The following LRIF1 variants were observed in gnomAD, a reference collection of about 807,000 sequenced individuals.
LRIF1 encodes ligand-dependent nuclear receptor-interacting factor 1.
A neutral mutation model predicts 52.7 loss-of-function variants in LRIF1; 32 were observed. That is an observed-to-expected ratio of 0.61 (90% CI 0.46 to 0.82). LRIF1 has a LOEUF of 0.82. Ranked by LOEUF, LRIF1 falls within the 40% of genes least tolerant of loss-of-function variation. The pLI is 0.00. For synonymous variants in LRIF1, 323 were observed against 317.4 expected (o/e 1.02, Z -0.19); for missense variants, 887 against 892.0 (o/e 0.99, Z 0.07).
At chr1:110,897,719 C>A in the LRIF1 span, 1 of 740,970 alleles carries the variant, frequency 1.3e-6, no homozygotes, top group Non-Finnish European at 2.3e-6. Flanking sequence ...TTACATAAAG[C>A]AAAATGCAAA....
chr1:110,962,129 A>G (rs1400473608), intron 1 of LRIF1, among the ~76,000 whole-genome samples: 1 of 151,708 alleles, frequency 6.6e-6, no homozygotes, highest in Non-Finnish European at 1.5e-5. Context: ...TTTTGTATTT[A>G]AAAATGCAAT....
Position 110,950,124 on chromosome 1 carries a change from C to G in LRIF1, c.1597-1G>C. The G allele has an allele frequency of 6.2e-7, 1 of 1,602,792 alleles. No individual in the cohort carries two copies. Among genetic ancestry groups the G allele is most frequent in the East Asian group, 2.2e-5 (1 of 44,654 alleles). On this transcript the variant is annotated splice_acceptor_variant, in intron 2 of 3. Coordinates refer to ENST00000369763, the MANE Select transcript of LRIF1 (RefSeq NM_018372.4). LOFTEE classifies it high-confidence loss of function. ...ATGTTGATGCCATCTCATTATGGAT[C>G]TGGAATTAGGAAAAGAAAACACACA...
the LRIF1 span, among the ~76,000 whole-genome samples, chr1:110,915,494 T>A: frequency 6.6e-6 from 1 of 151,202 alleles, no homozygotes. Flanking sequence ...TCTCAAAAAA[T>A]AAATAAATAA....
At chr1:110,896,748 A>G in the LRIF1 span, 13 of 1,608,688 alleles carry the variant, frequency 8.1e-6, no homozygotes, top group African/African-American at 1.3e-5. Context: ...TTTTGTCGGC[A>G]ATGTTTCTGT....
the LRIF1 span, among the ~76,000 whole-genome samples, chr1:110,923,321 C>T: frequency 2.8e-4 from 43 of 152,094 alleles, no homozygotes; most frequent in East Asian, 8.1e-3. Context: ...CAACAAAACT[C>T]TAACTTACCA....
the LRIF1 span, chr1:110,941,746 G>A: frequency 1.3e-5 from 2 of 152,012 alleles, no homozygotes; most frequent in African/African-American, 4.8e-5. Flanking sequence ...TATGTGAAGG[G>A]TATGTGAGAC....
downstream of LRIF1, among the ~76,000 whole-genome samples, chr1:110,946,403 G>C (rs1658205457): frequency 6.6e-6 from 1 of 152,126 alleles, no homozygotes; most frequent in African/African-American, 2.4e-5. Flanking sequence ...TTTTGAAAAT[G>C]TTCTAAAATT....
the LRIF1 span, among the ~76,000 whole-genome samples, chr1:110,935,746 G>C: frequency 6.6e-6 from 1 of 152,120 alleles, no homozygotes; most frequent in Non-Finnish European, 1.5e-5. Flanking sequence ...TGGCCTTAAA[G>C]AGGAGGTAGA....
Position 110,948,194 on chromosome 1 carries a change from CTCTTT to C in LRIF1, c.2070_2074del (p.Lys691AsnfsTer2), listed in dbSNP as rs1355533351. ...ATGGGTATAGTATTCCATCTCAGTT[CTCTTT>C]TCTTGTCTGGTTTTGCTGTGACTCG... is the stretch of plus-strand genomic sequence containing the variant. On this transcript the variant is annotated frameshift_variant, in exon 4 of 4. Coordinates refer to ENST00000369763, the MANE Select transcript of LRIF1 (RefSeq NM_018372.4). LOFTEE classifies it high-confidence loss of function. The C allele has an allele frequency of 6.2e-7, 1 of 1,613,908 alleles. No homozygotes were observed. The highest frequency in any genetic ancestry group is 2.2e-5 in the East Asian group (1 of 44,876).
the LRIF1 span, among the ~76,000 whole-genome samples, chr1:110,920,133 T>C: frequency 6.6e-6 from 1 of 152,296 alleles, no homozygotes; most frequent in Admixed American, 6.5e-5. Context: ...CTTTGGAATA[T>C]AGTCTTGCAA....
At chr1:110,896,576 C>A in the LRIF1 span, 17 of 1,361,312 alleles carry the variant, frequency 1.2e-5, no homozygotes, top group East Asian at 4.6e-5. Context: ...GAAGGGCACA[C>A]CTTTTCCTCT....
chr1:110,955,970 T>C (rs1287405463), intron 1 of LRIF1, among the ~76,000 whole-genome samples: 1 of 152,178 alleles, frequency 6.6e-6, no homozygotes, highest in South Asian at 2.1e-4. Context: ...TGGAGACCTA[T>C]CTCCTTCCAT....
At chr1:110,905,412 C>A in the LRIF1 span, among the ~76,000 whole-genome samples, 1 of 151,424 alleles carries the variant, frequency 6.6e-6, no homozygotes, top group African/African-American at 2.4e-5. Context: ...AAATAACATA[C>A]AATGGAGCTC....
At chr1:110,921,241 G>A in the LRIF1 span, among the ~76,000 whole-genome samples, 9 of 128,656 alleles carry the variant, frequency 7.0e-5, no homozygotes, top group African/African-American at 1.8e-4. Flanking sequence ...AAGTGTTCAT[G>A]TTTTCAATGC....
At chr1:110,910,877 G>GTTAA in the LRIF1 span, among the ~76,000 whole-genome samples, 3 of 152,148 alleles carry the variant, frequency 2.0e-5, no homozygotes, top group Admixed American at 2.0e-4. Flanking sequence ...ATTTTATAGT[G>GTTAA]TTAAATATCT....
At chr1:110,950,885 T>C (rs997790166) in intron 2 of LRIF1, among the ~76,000 whole-genome samples, 1 of 152,084 alleles carries the variant, frequency 6.6e-6, no homozygotes, top group Non-Finnish European at 1.5e-5. Flanking sequence ...TTTACATGCA[T>C]ATTGATCTCC....
the LRIF1 span, among the ~76,000 whole-genome samples, chr1:110,882,259 C>T: frequency 1.2e-3 from 177 of 152,214 alleles, 1 homozygote; most frequent in East Asian, 0.022. Context: ...TCACTAGTTA[C>T]GATTTCGTAT....
chr1:110,943,053 G>A (rs1244293190), downstream of LRIF1, among the ~76,000 whole-genome samples: 2 of 152,126 alleles, frequency 1.3e-5, no homozygotes, highest in African/African-American at 4.8e-5. Flanking sequence ...AGCAGTCAAC[G>A]AGGTATGAGG....
chr1:110,963,769 G>C lies in LRIF1; in HGVS notation c.-81C>G. ...GTTTCCCAATGGGGCGAGAACCAGA[G>C]CGAGGGAATGTTGGGCTGGAGTTGC... On this transcript the variant is annotated 5_prime_UTR_variant, in exon 1 of 4. Coordinates refer to ENST00000369763, the MANE Select transcript of LRIF1 (RefSeq NM_018372.4). 1 of 1,160,724 alleles carries C rather than the reference G, an allele frequency of 8.6e-7. No individual in the cohort carries two copies. Among genetic ancestry groups the C allele is most frequent in the Non-Finnish European group, 1.3e-6 (1 of 799,772 alleles). The allele number at this position is 1,160,724 out of a possible 1,614,324, so 71.9% of individuals were successfully genotyped here.
Sources: gnomAD v4.1 joint callset for allele counts (sites outside exome capture counted in the v4.1 genomes callset) on GRCh38, gnomAD v4.1.1 for gene constraint, MANE v1.5 for transcripts, NCBI Gene and HGNC (gene_info 2026-07-23, HGNC 2026-07-21) for gene names.